Variants in PPFIA3 observed in about 807,000 individuals in gnomAD.
The protein encoded by PPFIA3 is PPFI scaffold protein A3.
A neutral mutation model predicts 145.8 loss-of-function variants in PPFIA3; 26 were observed. The observed-to-expected ratio is 0.18, with a 90% CI of 0.13 to 0.25. The LOEUF (loss-of-function observed/expected upper bound fraction) is 0.25. PPFIA3 is among the 10% of genes least tolerant of loss of function. The pLI, the probability that PPFIA3 is intolerant of heterozygous loss-of-function variation, is 1.00. For missense variants in PPFIA3, 1,008 were observed against 1,587.8 expected (o/e 0.63, Z 6.21); for synonymous variants, 645 against 661.4 (o/e 0.98, Z 0.38).
At position 49,128,946 on chromosome 19, in the gene PPFIA3, C is replaced by A; in HGVS notation, c.441C>A (p.Ser147=). Residue 147 remains serine (S), a synonymous_variant, in exon 4 of 30, where the codon TCC becomes TCA. Transcript: ENST00000334186. This position sits in a 1 kb window ranked among gnomAD's most constrained non-coding sequence, Gnocchi z 4.1. ...AGGCCCAGTCCCCGGGTGGGGTCTC[C>A]TCGGAGGTAGAAGTGCTCAAAGCTC... ...KRQAQSPGGV[S]SEVEVLKALK... 1 of 1,614,024 alleles carries A rather than the reference C, an allele frequency of 6.2e-7. No individual in the cohort carries two copies. Among genetic ancestry groups the A allele is most frequent in the Non-Finnish European group, 8.5e-7 (1 of 1,179,964 alleles).
rs774303614 is a variant in PPFIA3 at position 49,134,816 on chromosome 19, C to T, written c.1441-20C>T. 3 of 1,601,588 alleles carry T rather than the reference C, an allele frequency of 1.9e-6. No homozygotes were observed. The highest frequency in any genetic ancestry group is 2.7e-5 in the African/African-American group (2 of 74,816). On this transcript the variant is annotated intron_variant, in intron 12 of 29. Transcript: ENST00000334186. ...GGGCGGAGCAGATTCTAACCCGACA[C>T]CTCCAACACCGGCCCCCAGGAGCAG...
In PPFIA3 at chr19:49,122,180, A is replaced by G. The variant is rs2040944390; in HGVS notation, c.-16+2458A>G. On this transcript the variant is annotated intron_variant, in intron 1 of 29. Transcript: ENST00000334186. ...ACCACAACCTCTGCCTCCCGCGTTC[A>G]AGCGATTCTCCTGCCTCAGCCTCCT... Among the ~76,000 whole-genome samples the G allele has an allele frequency of 2.7e-5, 4 of 149,934 alleles. No individual in the cohort carries two copies. In the South Asian group the frequency reaches 8.4e-4, roughly 32 times the overall value.
At chr19:49,134,007 C>T in intron 10 of PPFIA3, 27 bp from the exon 11 acceptor site, 1 of 1,606,720 alleles carries the variant, frequency 6.2e-7, no homozygotes, top group South Asian at 1.1e-5. Flanking sequence ...GTGGGCTTAA[C>T]AACCCGCCCC....
At chr19:49,141,050 C>T (rs141245701) in intron 18 of PPFIA3, among the ~76,000 whole-genome samples, 9 of 152,240 alleles carry the variant, frequency 5.9e-5, no homozygotes, top group South Asian at 2.1e-4. Context: ...TCAGGAGATC[C>T]GCTATTTCAG....
intron 23 of PPFIA3, among the ~76,000 whole-genome samples, chr19:49,146,661 G>T (rs995512649): frequency 6.6e-6 from 1 of 152,182 alleles, no homozygotes; most frequent in Admixed American, 6.5e-5. Context: ...CGGGCGCAGT[G>T]GCTCACGCCT....
chr19:49,149,945 C>T lies in PPFIA3; in HGVS notation c.3527-135C>T, dbSNP rs35781872. On this transcript the variant is annotated intron_variant, in intron 28 of 29. Coordinates refer to ENST00000334186, the MANE Select transcript of PPFIA3 (RefSeq NM_003660.4). This position sits in a 1 kb window ranked among gnomAD's most constrained non-coding sequence, Gnocchi z 5.7. ...CAATGCGAGTTTGAGTCCTTGGCTG[C>T]GGGGAAGGGAGGGAAACCCATGTGG... The T allele has an allele frequency of 0.027, 32,605 of 1,196,276 alleles. 680 individuals are homozygous for T. The highest frequency in any genetic ancestry group is 0.079 in the South Asian group (5,408 of 68,224). The allele number at this position is 1,196,276 out of a possible 1,614,324, so 74.1% of individuals were successfully genotyped here.
intron 19 of PPFIA3, 84 bp from the exon 20 acceptor site, chr19:49,141,928 CGTATGTGCATGTGTGTGTGTGT>C: frequency 1.5e-6 from 1 of 678,560 alleles, no homozygotes; most frequent in Non-Finnish European, 2.3e-6. Flanking sequence ...GCTGCGTGTG[CGTATGTGCATGTGTGTGTGTGT>C]GTATGTGTGC....
At position 49,133,568 on chromosome 19, in the gene PPFIA3, G is replaced by C. The variant is rs949431331; in HGVS notation, c.1161+197G>C. ...GTTTGCGCGGGGGACGGATGGGAGC[G>C]GGGTTCTCTAGCCTGGACTGAAAGG... is the stretch of plus-strand genomic sequence containing the variant. On this transcript the variant is annotated intron_variant, in intron 9 of 29. Transcript: ENST00000334186. The surrounding 1 kb of genome is among the most constrained non-coding windows in gnomAD (Gnocchi z 7.2). 6.6e-6 allele frequency among the ~76,000 whole-genome samples: 1 copy of C among 152,146 alleles called. No individual in the cohort carries two copies. The highest frequency in any genetic ancestry group is 1.5e-5 in the Non-Finnish European group (1 of 68,030).
chr19:49,142,507 C>A (rs1326304959), intron 20 of PPFIA3, among the ~76,000 whole-genome samples: 2 of 151,724 alleles, frequency 1.3e-5, no homozygotes, highest in African/African-American at 2.4e-5. Context: ...TGTCTCTCCC[C>A]ACCCTCTATT....
chr19:49,133,192 C>G lies in PPFIA3; in HGVS notation c.1026+45C>G, dbSNP rs759969142. 3 of 1,585,314 alleles carry G rather than the reference C, an allele frequency of 1.9e-6. No individual in the cohort carries two copies. The South Asian group carries it at 3.4e-5, about 18-fold the overall frequency. ...GGGCGATGGGGGCGGTGCCGGGGCC[C>G]AAGTGACCCAGCCCGTCCCCTCCCC... On this transcript the variant is annotated intron_variant, in intron 8 of 29. Transcript: ENST00000334186. This position sits in a 1 kb window ranked among gnomAD's most constrained non-coding sequence, Gnocchi z 7.2.
chr19:49,148,016 C>T (rs2041300343), intron 23 of PPFIA3, 67 bp from the exon 24 acceptor site: 4 of 1,495,112 alleles, frequency 2.7e-6, no homozygotes, highest in Non-Finnish European at 3.6e-6. Flanking sequence ...TTGGACTGTA[C>T]CCCTCTCATG....
Position 49,133,836 on chromosome 19 carries a change from A to T in PPFIA3, c.1202A>T (p.Gln401Leu). ...GGGAATTTTGAGGAGCGGCTTCGGCAGCTGGAGGCCCAGCTGGAAGAGAAG... is the reference window on the plus strand; with the variant it reads ...GGGAATTTTGAGGAGCGGCTTCGGCTGCTGGAGGCCCAGCTGGAAGAGAAG... The part of the protein sequence containing the change: ...RHGNFEERLR[Q>L]LEAQLEEKNQ... The change falls in exon 10 of 30, where the codon CAG (glutamine) becomes CTG (leucine). Residue 401 changes from glutamine to leucine, a missense_variant. Gln to Leu is a moderately radical substitution (Grantham distance 113). Transcript: ENST00000334186. The surrounding 1 kb of genome is among the most constrained non-coding windows in gnomAD (Gnocchi z 7.2). 6.2e-7 allele frequency: 1 copy of T among 1,613,298 alleles called. No homozygotes were observed. The highest frequency in any genetic ancestry group is 2.2e-5 in the East Asian group (1 of 44,868).
intron 1 of PPFIA3, among the ~76,000 whole-genome samples, chr19:49,127,442 G>GA (rs2041015284): frequency 2.5e-5 from 3 of 122,176 alleles, no homozygotes; most frequent in African/African-American, 9.5e-5. Context: ...GAAAAGAAAA[G>GA]AAAAAAATTA....
chr19:49,146,239 G>C, intron 23 of PPFIA3, 47 bp downstream of exon 23: 2 of 1,602,216 alleles, frequency 1.2e-6, no homozygotes, highest in Admixed American at 1.7e-5. Context: ...GGCTGTGCAC[G>C]ACGCATGGAT....
At chr19:49,136,095 TCTC>T (rs1328331142) in intron 14 of PPFIA3, among the ~76,000 whole-genome samples, 172 bp downstream of exon 14, 3 of 152,334 alleles carry the variant, frequency 2.0e-5, no homozygotes, top group African/African-American at 7.2e-5. Flanking sequence ...TGCCTGGATG[TCTC>T]CTCCTGTGGA....
intron 7 of PPFIA3, 49 bp from the exon 8 acceptor site, chr19:49,132,952 C>T (rs913099518): frequency 7.6e-6 from 12 of 1,583,822 alleles, no homozygotes; most frequent in Non-Finnish European, 9.4e-6. Flanking sequence ...GTTCCCCGTC[C>T]TCTCCCCCAG....
At chr19:49,144,312 A>G (rs2041257115) in intron 21 of PPFIA3, among the ~76,000 whole-genome samples, 1 of 152,130 alleles carries the variant, frequency 6.6e-6, no homozygotes, top group Non-Finnish European at 1.5e-5. Context: ...CCCGGCCTAC[A>G]ATATTTTAAA....
At chr19:49,140,210 T>C in intron 18 of PPFIA3, 122 bp downstream of exon 18, 1 of 1,298,856 alleles carries the variant, frequency 7.7e-7, no homozygotes, top group East Asian at 2.5e-5. Flanking sequence ...GTGATTTATT[T>C]AGAATTTGGA....
At chr19:49,141,579 TGTGC>T (rs1568439987) in intron 19 of PPFIA3, 66 bp downstream of exon 19, 5 of 1,081,400 alleles carry the variant, frequency 4.6e-6, no homozygotes, top group African/African-American at 4.7e-5. Context: ...AGGGTGTGTG[TGTGC>T]GTGTATGTGT....
Sources: allele counts gnomAD v4.1 joint callset (sites outside exome capture counted in the v4.1 genomes callset), GRCh38; gene constraint gnomAD v4.1.1; non-coding constraint Gnocchi (gnomAD v3.1); transcripts MANE v1.5; gene names NCBI Gene and HGNC (gene_info 2026-07-23, HGNC 2026-07-21).